WWOX: variants seen among roughly 807,000 people sequenced by gnomAD.
The protein encoded by WWOX is WW domain-containing oxidoreductase.
Under a neutral mutation model 46.2 loss-of-function variants are expected in WWOX, and 69 were observed. That is an observed-to-expected ratio of 1.49 (90% confidence interval 1.23 to 1.82). The LOEUF (loss-of-function observed/expected upper bound fraction) is 1.82. Among genes scored for constraint, WWOX ranks in the 40% most tolerant of loss-of-function variants. WWOX has a pLI of 0.00. For missense variants in WWOX, 919 were observed against 542.6 expected, an observed-to-expected ratio of 1.69 and a Z score of -6.89; for synonymous variants, 359 against 202.6, an observed-to-expected ratio of 1.77 and a Z score of -6.56.
Position 79,212,586 on chromosome 16 carries a change from G to GTTCTC in WWOX, c.*793_*797dup, listed in dbSNP as rs2051806916. On this transcript the variant is annotated 3_prime_UTR_variant, in exon 9 of 9. Coordinates refer to ENST00000566780, the MANE Select transcript of WWOX (RefSeq NM_016373.4). ...CCTTTGTCTGTCAATCACAGTCTCA[G>GTTCTC]TTCTCTTGCTTTCACATTGTACTTA... The GTTCTC allele has an allele frequency of 6.2e-6, 1 of 161,338 alleles. No homozygotes were observed. The allele number at this position is 161,338 out of a possible 1,614,324, so 10.0% of individuals were successfully genotyped here.
intron 8 of WWOX, among the ~76,000 whole-genome samples, chr16:78,553,906 C>G (rs751673833): frequency 1.3e-5 from 2 of 151,968 alleles, no homozygotes; most frequent in Non-Finnish European, 2.9e-5. Context: ...AGAGCAAACT[C>G]CCACAGCTTG....
intron 5 of WWOX, among the ~76,000 whole-genome samples, chr16:78,313,346 C>G (rs1012096198): frequency 1.7e-4 from 26 of 152,226 alleles, no homozygotes; most frequent in African/African-American, 6.0e-4. Flanking sequence ...AGCAAGTGTT[C>G]AGAGATGTGT....
intron 5 of WWOX, among the ~76,000 whole-genome samples, chr16:78,297,411 A>G (rs543579872): frequency 6.6e-6 from 1 of 152,224 alleles, no homozygotes; most frequent in Admixed American, 6.5e-5. Flanking sequence ...TTGGGTGGAG[A>G]ATTTGGAAAA....
chr16:78,506,695 GTTTTTTTTTTTTTTTTTTTTTTT>G (rs1159884484), intron 8 of WWOX: 1 of 8,640 alleles, frequency 1.2e-4, no homozygotes, highest in African/African-American at 3.1e-4. Context: ...CTTTTTGTGT[GTTTTTTTTTTTTTTTTTTTTTTT>G]TTTTTTTTTT....
Position 78,805,916 on chromosome 16 carries a change from C to G in WWOX, c.1056+373164C>G, listed in dbSNP as rs1219476605. Among the ~76,000 whole-genome samples the G allele has an allele frequency of 2.0e-5, 3 of 152,194 alleles. No individual in the cohort carries two copies. In the East Asian group the frequency reaches 5.8e-4, roughly 29 times the overall value. ...TTTCTAGCATGCCAGGAACATTTTT[C>G]TCATCTTTTGAACATTAGGGAATAA... On this transcript the variant is annotated intron_variant, in intron 8 of 8. Coordinates refer to ENST00000566780, the MANE Select transcript of WWOX (RefSeq NM_016373.4).
At position 78,432,743 on chromosome 16, in the gene WWOX, C is replaced by T. The variant is rs940453353; in HGVS notation, c.1047C>T (p.Thr349=). ...TGTTTACCTTGGCGAGGCCTTTCAC[C>T]AAGTCCATGGTAAGAGAACAGCTTC... The part of the protein sequence containing the change: ...TLLFTLARPF[T]KSMQQGAATT... The change falls in exon 8 of 9, where the codon ACC becomes ACT. Residue 349 remains threonine (T), a synonymous_variant. Coordinates refer to ENST00000566780, the MANE Select transcript of WWOX (RefSeq NM_016373.4). The T allele has an allele frequency of 1.2e-6, 2 of 1,614,050 alleles. No individual in the cohort carries two copies. The highest frequency in any genetic ancestry group is 1.3e-5 in the African/African-American group (1 of 74,912).
chr16:78,370,976 A>ATGTCTTTTTTTTTTTTTTTTTTTTTT (rs776317489), intron 5 of WWOX, among the ~76,000 whole-genome samples: 1 of 128,588 alleles, frequency 7.8e-6, no homozygotes. Context: ...CTGTGTTGTG[A>ATGTCTTTTTTTTTTTTTTTTTTTTTT]TTTCTTTTTT....
rs1372691556 is a variant in WWOX at position 79,211,738 on chromosome 16, C to T, written c.1187C>T (p.Thr396Ile). Reference protein sequence around the residue: ...PEAQSEETARTLWALSERLIQ... With the variant: ...PEAQSEETARILWALSERLIQ... ...GCTCAGAGCGAAGAGACGGCCCGGA[C>T]CCTGTGGGCGCTCAGCGAGAGGCTG... The change falls in exon 9 of 9, where the codon ACC becomes ATC. Residue 396 changes from threonine (T) to isoleucine (I), a missense_variant. Coordinates refer to ENST00000566780, the MANE Select transcript of WWOX (RefSeq NM_016373.4). 4 of 1,614,214 alleles carry T rather than the reference C, an allele frequency of 2.5e-6. No individual in the cohort carries two copies. The highest frequency in any genetic ancestry group is 2.2e-5 in the South Asian group (2 of 91,088).
At chr16:78,954,633 C>T (rs79549079) in intron 8 of WWOX, among the ~76,000 whole-genome samples, 5,433 of 152,124 alleles carry the variant, frequency 0.036, 340 homozygotes, top group African/African-American at 0.12. Context: ...AGATACAGAC[C>T]TGACCTCAAT....
At chr16:78,340,339 T>A (rs112171848) in intron 5 of WWOX, among the ~76,000 whole-genome samples, 26,370 of 116,336 alleles carry the variant, frequency 0.23, 8,320 homozygotes, top group African/African-American at 0.38. Context: ...TGGGACTACA[T>A]GTGCGTGTCA....
chr16:78,279,030 T>C (rs1293974225), intron 5 of WWOX, among the ~76,000 whole-genome samples: 1 of 152,228 alleles, frequency 6.6e-6, no homozygotes, highest in East Asian at 1.9e-4. Flanking sequence ...AACAAGTTTC[T>C]TGGTGACAAC....
intron 8 of WWOX, among the ~76,000 whole-genome samples, chr16:78,663,126 A>G (rs1046433646): frequency 4.6e-5 from 7 of 152,054 alleles, no homozygotes; most frequent in African/African-American, 1.7e-4. Context: ...CACCCCTAAA[A>G]GAAACCCTGT....
intron 8 of WWOX, among the ~76,000 whole-genome samples, chr16:78,441,696 G>T (rs915946417): frequency 1.3e-5 from 2 of 152,086 alleles, no homozygotes; most frequent in Non-Finnish European, 2.9e-5. Flanking sequence ...TAAGATTCAT[G>T]CATAAAACTG....
intron 8 of WWOX, among the ~76,000 whole-genome samples, chr16:78,726,554 T>C (rs2048841333): frequency 6.7e-6 from 1 of 149,766 alleles, no homozygotes; most frequent in South Asian, 2.1e-4. Context: ...CAATACACAG[T>C]AGTGCTTTTT....
chr16:78,624,019 A>T (rs955403943), intron 8 of WWOX, among the ~76,000 whole-genome samples: 2 of 152,172 alleles, frequency 1.3e-5, no homozygotes, highest in Non-Finnish European at 2.9e-5. Context: ...CACTTTATAG[A>T]TGAGGAAAGT....
chr16:78,816,847 AT>A (rs2051343477), intron 8 of WWOX, among the ~76,000 whole-genome samples: 1 of 152,094 alleles, frequency 6.6e-6, no homozygotes, highest in African/African-American at 2.4e-5. Context: ...TGTGTAATCT[AT>A]TTCAGTTTCC....
intron 8 of WWOX, among the ~76,000 whole-genome samples, chr16:78,948,213 C>G (rs1003926861): frequency 2.0e-5 from 3 of 152,180 alleles, no homozygotes; most frequent in Admixed American, 6.5e-5. Flanking sequence ...TTGCTCAAGA[C>G]CTGGATCTCA....
chr16:78,120,367 G>C (rs1272889912), intron 4 of WWOX, among the ~76,000 whole-genome samples: 1 of 151,840 alleles, frequency 6.6e-6, no homozygotes, highest in African/African-American at 2.4e-5. Context: ...TCAGGAGATC[G>C]AGACCATCCT....
chr16:79,007,751 T>A (rs2151373124), intron 8 of WWOX, among the ~76,000 whole-genome samples: 1 of 152,340 alleles, frequency 6.6e-6, no homozygotes, highest in East Asian at 1.9e-4. Context: ...AGGATGTGAA[T>A]GGAGAGCTCT....
Sources: gnomAD v4.1 joint callset for allele counts (sites outside exome capture counted in the v4.1 genomes callset) on GRCh38, gnomAD v4.1.1 for gene constraint, MANE v1.5 for transcripts, NCBI Gene and HGNC (gene_info 2026-07-23, HGNC 2026-07-21) for gene names.